The following DNAJB6 variants were observed in gnomAD, a reference collection of about 807,000 sequenced individuals.
DNAJB6 encodes the protein DnaJ heat shock protein family (Hsp40) member B6.
DNAJB6 carries 16 observed loss-of-function variants against 42.7 expected under a neutral mutation model. The ratio of observed to expected loss-of-function variants is 0.37; its 90% confidence interval spans 0.25 to 0.57. The LOEUF (loss-of-function observed/expected upper bound fraction) is 0.57, where lower values mean the gene tolerates loss of function less well. Among genes scored for constraint, DNAJB6 ranks in the 20% least tolerant of loss-of-function variants. The probability of loss-of-function intolerance (pLI) is 0.74; values close to 1 mark genes in which losing one functional copy is unlikely to be tolerated. For synonymous variants in DNAJB6, 170 were observed against 163.5 expected (o/e 1.04, Z -0.30); for missense variants, 347 against 416.8 (o/e 0.83, Z 1.46).
intron 5 of DNAJB6, chr7:157,369,436 G>A (rs1248998866): frequency 6.6e-6 from 3 of 456,304 alleles, no homozygotes; most frequent in East Asian, 6.9e-5. Flanking sequence ...AAGAAGGCCC[G>A]CTCTTCCAAC....
At chr7:157,398,801 G>A (rs893460776) in intron 8 of DNAJB6, among the ~76,000 whole-genome samples, 1 of 152,210 alleles carries the variant, frequency 6.6e-6, no homozygotes, top group Non-Finnish European at 1.5e-5. Flanking sequence ...GGAAGAAGCA[G>A]AAATTATACC....
intron 3 of DNAJB6, among the ~76,000 whole-genome samples, chr7:157,365,955 C>T (rs1026074290): frequency 1.6e-5 from 2 of 126,020 alleles, no homozygotes; most frequent in Admixed American, 1.7e-4. Context: ...TGAGCTACCT[C>T]GCGTGGCTAA....
intron 1 of DNAJB6, among the ~76,000 whole-genome samples, chr7:157,339,281 C>T (rs1330928747): frequency 6.2e-4 from 42 of 68,282 alleles, no homozygotes; most frequent in South Asian, 5.3e-3. Context: ...CTGTTTGCAC[C>T]TTTTTTTTTT....
At chr7:157,385,095 G>A (rs965917609) in intron 7 of DNAJB6, 87 bp downstream of exon 7, 3 of 1,397,802 alleles carry the variant, frequency 2.1e-6, no homozygotes, top group Admixed American at 2.1e-5. Context: ...AGAGTGTGAA[G>A]TAGAGGTTGT....
At chr7:157,396,068 C>T (rs1205611938) in intron 8 of DNAJB6, among the ~76,000 whole-genome samples, 1 of 151,986 alleles carries the variant, frequency 6.6e-6, no homozygotes, top group Non-Finnish European at 1.5e-5. Flanking sequence ...ATGCCTCAGC[C>T]TCCTGAATAG....
chr7:157,358,328 C>A (rs1799411413), intron 1 of DNAJB6, among the ~76,000 whole-genome samples: 1 of 152,080 alleles, frequency 6.6e-6, no homozygotes, highest in South Asian at 2.1e-4. Context: ...GAGCTTTTTT[C>A]CCCGTCTCTA....
At chr7:157,374,548 C>T (rs942298664) in intron 5 of DNAJB6, among the ~76,000 whole-genome samples, 2 of 152,228 alleles carry the variant, frequency 1.3e-5, no homozygotes, top group Non-Finnish European at 1.5e-5. Context: ...CATGAGCCAC[C>T]GTGCCAGGCC....
chr7:157,341,396 T>C (rs1798372507), intron 1 of DNAJB6, among the ~76,000 whole-genome samples: 1 of 152,158 alleles, frequency 6.6e-6, no homozygotes, highest in Non-Finnish European at 1.5e-5. Context: ...AGTGGTGGGA[T>C]CACAGGTGTG....
chr7:157,401,724 C>G (rs575168806), intron 8 of DNAJB6, among the ~76,000 whole-genome samples: 2 of 152,304 alleles, frequency 1.3e-5, no homozygotes, highest in South Asian at 4.1e-4. Flanking sequence ...TGACGTGAAG[C>G]ATTACGCAAT....
At chr7:157,371,041 A>T (rs991845888) in intron 5 of DNAJB6, among the ~76,000 whole-genome samples, 1 of 152,314 alleles carries the variant, frequency 6.6e-6, no homozygotes, top group East Asian at 1.9e-4. Context: ...CCCACCTCCT[A>T]TCAGCTCAGT....
At position 157,389,873 on chromosome 7, in the gene DNAJB6, C is replaced by G. The variant is rs1584932531; in HGVS notation, c.691+4262C>G. 3.3e-5 allele frequency among the ~76,000 whole-genome samples: 5 copies of G among 152,302 alleles called. 1 individual carries two copies. Among genetic ancestry groups the G allele is most frequent in the Admixed American group, 3.3e-4 (5 of 15,308 alleles). Reference sequence around the variant, plus strand: ...CCTTTTGTGCAGGGTATCAGTCGGTCTTACCTAACTGTTCACTAAGGACTC... The same window carrying G: ...CCTTTTGTGCAGGGTATCAGTCGGTGTTACCTAACTGTTCACTAAGGACTC... On this transcript the variant is annotated intron_variant, in intron 8 of 9. Transcript: ENST00000262177.
intron 8 of DNAJB6, among the ~76,000 whole-genome samples, chr7:157,402,485 G>T (rs552410685): frequency 6.6e-6 from 1 of 152,364 alleles, no homozygotes; most frequent in African/African-American, 2.4e-5. Context: ...GGTGGCCACA[G>T]GGCCATGTGT....
In DNAJB6 at chr7:157,390,128, G is replaced by A. The variant is rs73747303; in HGVS notation, c.691+4517G>A. On this transcript the variant is annotated intron_variant, in intron 8 of 9. Transcript: ENST00000262177. Reference sequence around the variant, plus strand: ...GAGTGCTGGCTGCGGAAACCCAGATGGTGGTTGCTGTCCCACAGCCCTTGA... The same window carrying A: ...GAGTGCTGGCTGCGGAAACCCAGATAGTGGTTGCTGTCCCACAGCCCTTGA... 6.0e-3 allele frequency among the ~76,000 whole-genome samples: 907 copies of A among 152,350 alleles called. 8 individuals carry two copies. The highest frequency in any genetic ancestry group is 0.021 in the African/African-American group (874 of 41,580).
intron 2 of DNAJB6, among the ~76,000 whole-genome samples, chr7:157,360,090 A>G (rs768138325): frequency 6.6e-6 from 1 of 152,198 alleles, no homozygotes; most frequent in Non-Finnish European, 1.5e-5. Flanking sequence ...AAGTTAATGG[A>G]TGTATTAGTC....
At chr7:157,396,998 C>T (rs1801618582) in intron 8 of DNAJB6, among the ~76,000 whole-genome samples, 1 of 152,224 alleles carries the variant, frequency 6.6e-6, no homozygotes, top group Non-Finnish European at 1.5e-5. Context: ...TGCCTCACTC[C>T]AGGTCCTCCT....
intron 1 of DNAJB6, among the ~76,000 whole-genome samples, chr7:157,355,373 G>T (rs1222230376): frequency 6.6e-6 from 1 of 152,196 alleles, no homozygotes; most frequent in Admixed American, 6.5e-5. Context: ...TGTTAGCCAG[G>T]ATGGTCTTGA....
intron 1 of DNAJB6, among the ~76,000 whole-genome samples, chr7:157,341,055 C>T (rs958551679): frequency 1.3e-5 from 2 of 152,012 alleles, no homozygotes; most frequent in African/African-American, 2.4e-5. Flanking sequence ...CTCCTGGCCT[C>T]AAGTGAGTCT....
intron 8 of DNAJB6, among the ~76,000 whole-genome samples, chr7:157,407,776 T>C (rs542595515): frequency 6.6e-6 from 1 of 152,328 alleles, no homozygotes; most frequent in South Asian, 2.1e-4. Context: ...TTCGCAGCAC[T>C]GTCGCCATGT....
rs71717756 is a variant in DNAJB6 at position 157,357,288 on chromosome 7, GTCCTTCCTTCCTTCCTTCCT to G, written c.-26-1242_-26-1223del. Among the ~76,000 whole-genome samples the G allele has an allele frequency of 1.2e-4, 4 of 32,184 alleles. 1 individual carries two copies. The highest frequency in any genetic ancestry group is 3.5e-4 in the African/African-American group (4 of 11,482). 21.1% of individuals were successfully genotyped at this position (32,184 alleles called of 152,430 possible). Reference sequence around the variant, plus strand: ...CGTCCTTCCTTCCGTCCTTCCTTCCGTCCTTCCTTCCTTCCTTCCTTCCTTCCTTCCTTCCTCGTTCCGTC... The same window carrying G: ...CGTCCTTCCTTCCGTCCTTCCTTCCGTCCTTCCTTCCTTCCTCGTTCCGTC... On this transcript the variant is annotated intron_variant, in intron 1 of 9. Coordinates refer to ENST00000262177, the MANE Select transcript of DNAJB6 (RefSeq NM_058246.4).
Sources: allele counts gnomAD v4.1 joint callset (sites outside exome capture counted in the v4.1 genomes callset), GRCh38; gene constraint gnomAD v4.1.1; transcripts MANE v1.5; gene names NCBI Gene and HGNC (gene_info 2026-07-23, HGNC 2026-07-21).